Variants in RP1 observed in about 807,000 individuals in gnomAD.
RP1 encodes oxygen-regulated protein 1.
A neutral mutation model predicts 14.8 loss-of-function variants in RP1; 16 were observed. The observed-to-expected ratio is 1.08, with a 90% CI of 0.73 to 1.65. The LOEUF is 1.65. RP1 is among the 40% of genes most tolerant of loss of function. The pLI is 0.00. For synonymous variants in RP1, 876 were observed against 883.6 expected (o/e 0.99, Z 0.15); for missense variants, 2,631 against 2,535.0 (o/e 1.04, Z -0.81).
At chr8:54,670,640 GCACA>G (rs1807151100) in intron 7 of RP1, among the ~76,000 whole-genome samples, 1 of 105,850 alleles carries the variant, frequency 9.4e-6, no homozygotes, top group South Asian at 2.9e-4. Flanking sequence ...GATGTTAGGT[GCACA>G]TATATTTATG....
At chr8:54,600,581 C>G (rs1189973347) in intron 1 of RP1, among the ~76,000 whole-genome samples, 1 of 152,118 alleles carries the variant, frequency 6.6e-6, no homozygotes, top group East Asian at 1.9e-4. Context: ...GTCTTGGTTC[C>G]CCACTTGGCC....
chr8:54,747,741 A>G (rs923789250), intron 19 of RP1, among the ~76,000 whole-genome samples: 10 of 152,206 alleles, frequency 6.6e-5, no homozygotes, highest in African/African-American at 2.4e-4. Context: ...GTCTCTACAG[A>G]AATGCAAAAA....
Position 54,678,645 on chromosome 8 carries a change from T to C in RP1, c.1478+109T>C, listed in dbSNP as rs952589093. 9.7e-6 allele frequency: 8 copies of C among 826,944 alleles called. No homozygotes were observed. In the African/African-American group the frequency reaches 1.4e-4, roughly 14 times the overall value. The allele number at this position is 826,944 out of a possible 1,614,324, so 51.2% of individuals were successfully genotyped here. A position where few individuals can be genotyped will look rare whatever the true frequency, so the allele number is the denominator to read the frequency against. On this transcript the variant is annotated intron_variant, in intron 9 of 22. Transcript: ENST00000636932. ...GTTGTTCCTAGTCACTGAGTCTTTGTTGGGTAACTTTTGTGAACATTAATT... is the reference window on the plus strand; with the variant it reads ...GTTGTTCCTAGTCACTGAGTCTTTGCTGGGTAACTTTTGTGAACATTAATT...
intron 1 of RP1, among the ~76,000 whole-genome samples, chr8:54,604,897 T>C (rs201648274): frequency 3.3e-5 from 5 of 152,224 alleles, no homozygotes; most frequent in African/African-American, 1.2e-4. Flanking sequence ...CTCTTTGTCA[T>C]TTTTTATTGC....
intron 22 of RP1, among the ~76,000 whole-genome samples, chr8:54,766,276 A>G (rs1809759311): frequency 6.6e-6 from 1 of 152,202 alleles, no homozygotes; most frequent in African/African-American, 2.4e-5. Context: ...TTGATAAAGT[A>G]CAGAAATGTA....
At chr8:54,661,260 GAT>G (rs1474043649) in intron 6 of RP1, among the ~76,000 whole-genome samples, 13 of 65,096 alleles carry the variant, frequency 2.0e-4, no homozygotes, top group South Asian at 4.1e-4. Flanking sequence ...ATATATAAAT[GAT>G]ATATATAAAT....
At chr8:54,646,619 T>G (rs1806555910) in intron 3 of RP1, among the ~76,000 whole-genome samples, 1 of 152,232 alleles carries the variant, frequency 6.6e-6, no homozygotes, top group Non-Finnish European at 1.5e-5. Flanking sequence ...CTCCAGTTTT[T>G]ATGGTACTCT....
At chr8:54,698,151 G>A (rs1251954325) in intron 12 of RP1, among the ~76,000 whole-genome samples, 1 of 152,096 alleles carries the variant, frequency 6.6e-6, no homozygotes, top group Non-Finnish European at 1.5e-5. Flanking sequence ...ATCTGACAAA[G>A]GGCTAATATC....
At position 54,625,022 on chromosome 8, in the gene RP1, A is replaced by C; in HGVS notation, c.1140A>C (p.Leu380Phe). Residue 380 changes from leucine (L) to phenylalanine (F), a missense_variant, in exon 4 of 4, where the codon TTA becomes TTC. Physicochemically the swap from Leu to Phe is conservative, Grantham distance 22. Coordinates refer to ENST00000220676, the MANE Select transcript of RP1 (RefSeq NM_006269.2). Reference protein sequence around the residue: ...PGRTESRSSGLKLAACSFSAD... With the variant: ...PGRTESRSSGFKLAACSFSAD... ...GAACAGAAAGTCGATCATCTGGTTT[A>C]AAGCTTGCAGCATGTTCATTCTCTG... 6.2e-7 allele frequency: 1 copy of C among 1,614,212 alleles called. No individual in the cohort carries two copies. Among genetic ancestry groups the C allele is most frequent in the Non-Finnish European group, 8.5e-7 (1 of 1,180,028 alleles).
At chr8:54,740,913 G>A (rs528077387) in intron 19 of RP1, among the ~76,000 whole-genome samples, 3 of 151,794 alleles carry the variant, frequency 2.0e-5, no homozygotes, top group Non-Finnish European at 4.4e-5. Flanking sequence ...GCAGGCGCCT[G>A]TAGTCCCAGC....
At chr8:54,812,941 T>G (rs1811045919) in intron 24 of RP1, among the ~76,000 whole-genome samples, 1 of 152,246 alleles carries the variant, frequency 6.6e-6, no homozygotes, top group Non-Finnish European at 1.5e-5. Flanking sequence ...CTGTGGTAAC[T>G]CATTCTTACT....
intron 1 of RP1, among the ~76,000 whole-genome samples, chr8:54,592,505 C>T (rs959807931): frequency 6.6e-6 from 1 of 152,210 alleles, no homozygotes; most frequent in African/African-American, 2.4e-5. Context: ...TTCCTGGAAT[C>T]TTAAGTTTGA....
intron 7 of RP1, among the ~76,000 whole-genome samples, chr8:54,667,929 T>C (rs966883567): frequency 2.0e-5 from 3 of 152,114 alleles, no homozygotes; most frequent in Non-Finnish European, 4.4e-5. Flanking sequence ...GCTGGTACCA[T>C]TCCTTCTGAA....
intron 6 of RP1, among the ~76,000 whole-genome samples, chr8:54,659,317 T>A (rs1806828576): frequency 6.6e-6 from 1 of 152,198 alleles, no homozygotes; most frequent in African/African-American, 2.4e-5. Flanking sequence ...ATCCTGAAGG[T>A]TTTCTCTTAA....
rs1357802130 is a variant in RP1, at chr8:54,679,435, G to A, written c.1494G>A (p.Gly498=). The A allele has an allele frequency of 1.1e-5, 17 of 1,535,682 alleles. No homozygotes were observed. In the Admixed American group the frequency reaches 3.1e-4, roughly 28 times the overall value. Reference sequence around the variant, plus strand: ...CTTTTCACAGATGGCTAGATCAGGGGGAAGATGATTGTAAAATTGTCAGAG... The same window carrying A: ...CTTTTCACAGATGGCTAGATCAGGGAGAAGATGATTGTAAAATTGTCAGAG... The change falls in exon 10 of 23, where the codon GGG becomes GGA. Residue 498 remains glycine, a synonymous_variant. Transcript: ENST00000636932.
At chr8:54,701,728 A>C (rs1294808294) in intron 14 of RP1, 1 of 1,411,666 alleles carries the variant, frequency 7.1e-7, no homozygotes, top group Non-Finnish European at 9.5e-7. Flanking sequence ...CCTATTGAGC[A>C]AAAGTCTTAA....
At chr8:54,634,615 A>G (rs1806313123), downstream of RP1, among the ~76,000 whole-genome samples, 1 of 152,238 alleles carries the variant, frequency 6.6e-6, no homozygotes, top group Admixed American at 6.5e-5. Context: ...TTATTAAGGG[A>G]CTATTCCCAA....
Position 54,629,880 on chromosome 8 carries a change from T to C in RP1, c.5998T>C (p.Leu2000=), listed in dbSNP as rs776733171. The change falls in exon 4 of 4, where the codon TTG becomes CTG. Residue 2000 remains leucine (L), a synonymous_variant. Coordinates refer to ENST00000220676, the MANE Select transcript of RP1 (RefSeq NM_006269.2). The part of the protein sequence containing the change: ...DQFYFSNTFD[L]MGKRRKQKRI... ...GTTTTATTTCAGTAACACATTTGACTTGATGGGTAAAAGAAGAAAACAAAA... is the reference window on the plus strand; with the variant it reads ...GTTTTATTTCAGTAACACATTTGACCTGATGGGTAAAAGAAGAAAACAAAA... The C allele has an allele frequency of 6.2e-7, 1 of 1,613,972 alleles. No individual in the cohort carries two copies. The highest frequency in any genetic ancestry group is 1.7e-5 in the Admixed American group (1 of 60,026).
At chr8:54,864,300 G>A (rs1041715672) in intron 27 of RP1, among the ~76,000 whole-genome samples, 6 of 152,246 alleles carry the variant, frequency 3.9e-5, no homozygotes, top group African/African-American at 1.4e-4. Context: ...AATATTGTAA[G>A]CTGATCCAAA....
Sources: allele counts gnomAD v4.1 joint callset (sites outside exome capture counted in the v4.1 genomes callset), GRCh38; gene constraint gnomAD v4.1.1; transcripts MANE v1.5; gene names NCBI Gene and HGNC (gene_info 2026-07-23, HGNC 2026-07-21).